Variants in KCNH5 observed in about 807,000 individuals in gnomAD.
KCNH5 encodes potassium voltage-gated channel subfamily H member 5, also known as voltage-gated delayed rectifier potassium channel KCNH5.
KCNH5 carries 46 observed loss-of-function variants against 96.1 expected under a neutral mutation model. That is an observed-to-expected ratio of 0.48 (90% CI 0.38 to 0.61). The LOEUF (loss-of-function observed/expected upper bound fraction) is 0.61, where lower values mean the gene tolerates loss of function less well. KCNH5 is among the 20% of genes least tolerant of loss of function. The pLI is 0.00. For synonymous variants in KCNH5, 439 were observed against 449.8 expected (o/e 0.98, Z 0.30); for missense variants, 907 against 1,225.8 (o/e 0.74, Z 3.88).
At chr14:62,708,524 T>C (rs1475587146) in intron 10 of KCNH5, 69 bp from the exon 11 acceptor site, 4 of 908,956 alleles carry the variant, frequency 4.4e-6, no homozygotes, top group Non-Finnish European at 6.5e-6. Flanking sequence ...TATAATACTA[T>C]GCTGTATGTG....
At chr14:62,822,165 G>A (rs1481740031) in intron 8 of KCNH5, among the ~76,000 whole-genome samples, 1 of 152,066 alleles carries the variant, frequency 6.6e-6, no homozygotes, top group Non-Finnish European at 1.5e-5. Flanking sequence ...TAATAAATTG[G>A]AAGGCCTAAA....
At chr14:62,929,343 G>T (rs1175227657) in intron 7 of KCNH5, among the ~76,000 whole-genome samples, 1 of 151,980 alleles carries the variant, frequency 6.6e-6, no homozygotes, top group Non-Finnish European at 1.5e-5. Flanking sequence ...GATTGCAATA[G>T]CCTCCCTGAA....
At chr14:62,952,421 A>G (rs540387824) in intron 6 of KCNH5, among the ~76,000 whole-genome samples, 5 of 152,308 alleles carry the variant, frequency 3.3e-5, no homozygotes, top group Admixed American at 3.3e-4. Flanking sequence ...ACATTTATGG[A>G]GCACTCCTAT....
intron 8 of KCNH5, among the ~76,000 whole-genome samples, chr14:62,816,812 TCC>T (rs1380436706): frequency 6.6e-6 from 1 of 151,728 alleles, no homozygotes; most frequent in Admixed American, 6.6e-5. Context: ...GTGAACCATT[TCC>T]ATAAGCTCTC....
intron 7 of KCNH5, among the ~76,000 whole-genome samples, chr14:62,872,862 T>A (rs1160409811): frequency 6.6e-6 from 1 of 151,036 alleles, no homozygotes; most frequent in Non-Finnish European, 1.5e-5. Flanking sequence ...GCAGTGGAAA[T>A]GACAGAAAAA....
At chr14:62,990,477 A>T (rs1890789243) in intron 4 of KCNH5, among the ~76,000 whole-genome samples, 1 of 148,376 alleles carries the variant, frequency 6.7e-6, no homozygotes. Flanking sequence ...GAAGAAAAAA[A>T]ATCATTTTTA....
At chr14:62,890,565 G>A (rs915714404) in intron 7 of KCNH5, among the ~76,000 whole-genome samples, 1 of 151,806 alleles carries the variant, frequency 6.6e-6, no homozygotes, top group African/African-American at 2.4e-5. Flanking sequence ...CGGGCGTGGT[G>A]GCAGGCGCCT....
chr14:62,864,534 A>G (rs1566686638), intron 7 of KCNH5, among the ~76,000 whole-genome samples: 1 of 152,220 alleles, frequency 6.6e-6, no homozygotes, highest in Non-Finnish European at 1.5e-5. Context: ...CCAAAGAAGA[A>G]AAGATGAGTT....
intron 9 of KCNH5, among the ~76,000 whole-genome samples, chr14:62,783,405 C>G (rs1886259035): frequency 6.6e-6 from 1 of 152,166 alleles, no homozygotes; most frequent in Admixed American, 6.5e-5. Context: ...CTTTGATCTA[C>G]CTCTTATTTC....
intron 8 of KCNH5, among the ~76,000 whole-genome samples, chr14:62,835,080 G>A (rs1887438112): frequency 6.6e-6 from 1 of 151,910 alleles, no homozygotes; most frequent in Admixed American, 6.6e-5. Context: ...TTAGACAAAT[G>A]TGTTTATTTC....
intron 10 of KCNH5, among the ~76,000 whole-genome samples, chr14:62,711,638 C>A (rs1369092651): frequency 6.6e-6 from 1 of 152,164 alleles, no homozygotes; most frequent in African/African-American, 2.4e-5. Flanking sequence ...CAGGAGCCAG[C>A]AATGCACAGC....
Position 62,802,553 on chromosome 14 carries a change from C to A in KCNH5, c.1598G>T (p.Arg533Ile). 1.9e-6 allele frequency: 3 copies of A among 1,614,072 alleles called. No homozygotes were observed. Among genetic ancestry groups the A allele is most frequent in the Non-Finnish European group, 2.5e-6 (3 of 1,179,986 alleles). The change falls in exon 9 of 11, where the codon AGA (arginine) becomes ATA (isoleucine). Residue 533 changes from arginine to isoleucine, a missense_variant. Around this residue, in one of 6 missense-constraint regions of KCNH5, gnomAD observed 95 missense variants for 111.8 expected, o/e 0.85. Coordinates refer to ENST00000322893, the MANE Select transcript of KCNH5 (RefSeq NM_139318.5). ...KVLSICPKDM[R>I]ADICVHLNRK... ...GTTTAGATGAACACAGATATCAGCT[C>A]TCATGTCCTTGGGACAGATGGAGAG...
chr14:62,784,194 C>T (rs183191085), intron 9 of KCNH5, among the ~76,000 whole-genome samples: 2 of 152,264 alleles, frequency 1.3e-5, no homozygotes, highest in African/African-American at 2.4e-5. Flanking sequence ...AGCGCTTGTA[C>T]AGGGGAACTC....
At chr14:62,790,147 A>G (rs1002503719) in intron 9 of KCNH5, among the ~76,000 whole-genome samples, 3 of 151,702 alleles carry the variant, frequency 2.0e-5, no homozygotes, top group Admixed American at 1.3e-4. Context: ...TCAGCACCAT[A>G]TATTGAAAAA....
At chr14:62,928,820 C>T (rs1889524847) in intron 7 of KCNH5, among the ~76,000 whole-genome samples, 1 of 152,090 alleles carries the variant, frequency 6.6e-6, no homozygotes, top group Admixed American at 6.6e-5. Flanking sequence ...TTGCTGGTTT[C>T]ACCTCATCTC....
intron 7 of KCNH5, among the ~76,000 whole-genome samples, chr14:62,866,383 C>A (rs115640953): frequency 2.0e-5 from 3 of 152,152 alleles, no homozygotes; most frequent in Non-Finnish European, 2.9e-5. Flanking sequence ...AATTTCTTCT[C>A]TTACTGTCTA....
chr14:63,043,466 C>T (rs954895406), intron 1 of KCNH5, among the ~76,000 whole-genome samples: 15 of 152,116 alleles, frequency 9.9e-5, no homozygotes, highest in African/African-American at 3.4e-4. Flanking sequence ...GTAATATCCC[C>T]TTGTATTATA....
At chr14:62,792,583 A>G (rs142026183) in intron 9 of KCNH5, among the ~76,000 whole-genome samples, 76 of 151,840 alleles carry the variant, frequency 5.0e-4, no homozygotes, top group African/African-American at 1.8e-3. Context: ...TTGGAAATCA[A>G]TTACATCTTG....
At chr14:62,882,127 A>AAAG in intron 7 of KCNH5, among the ~76,000 whole-genome samples, 1 of 118,534 alleles carries the variant, frequency 8.4e-6, no homozygotes, top group African/African-American at 3.1e-5. Context: ...AAAAAAAAAA[A>AAAG]GCTGGGGCAT....
Sources: allele counts gnomAD v4.1 joint callset (sites outside exome capture counted in the v4.1 genomes callset), GRCh38; gene constraint gnomAD v4.1.1; regional missense constraint gnomAD v4.1.1; transcripts MANE v1.5; gene names NCBI Gene and HGNC (gene_info 2026-07-23, HGNC 2026-07-21).